Variants in UBE2O observed in about 807,000 individuals in gnomAD.
The protein encoded by UBE2O is ubiquitin conjugating enzyme E2 O, also known as (E3-independent) E2 ubiquitin-conjugating enzyme.
In UBE2O, 15 loss-of-function variants were observed where a neutral mutation model predicts 125.8. That is an observed-to-expected ratio of 0.12 (90% CI 0.08 to 0.18). UBE2O has a LOEUF of 0.18. Among genes scored for constraint, UBE2O ranks in the 10% least tolerant of loss-of-function variants. The pLI is 1.00. For missense variants in UBE2O, 1,280 were observed against 1,723.6 expected, an observed-to-expected ratio of 0.74 and a Z score of 4.56; for synonymous variants, 708 against 703.2, an observed-to-expected ratio of 1.01 and a Z score of -0.11.
At chr17:76,435,417 T>TACACACACACACAC (rs59781051) in intron 1 of UBE2O, among the ~76,000 whole-genome samples, 105 of 96,426 alleles carry the variant, frequency 1.1e-3, no homozygotes, top group South Asian at 0.01. Flanking sequence ...CACACACACA[T>TACACACACACACAC]ACACACACAC....
Position 76,395,548 on chromosome 17 carries a change from C to A in UBE2O, c.2946+177G>T, listed in dbSNP as rs985991005. 2 of 677,036 alleles carry A rather than the reference C, an allele frequency of 3.0e-6. No individual in the cohort carries two copies. The highest frequency in any genetic ancestry group is 2.5e-6 in the Non-Finnish European group (1 of 406,804). The allele number at this position is 677,036 out of a possible 1,614,324, so 41.9% of individuals were successfully genotyped here. A position where few individuals can be genotyped will look rare whatever the true frequency, so the allele number is the denominator to read the frequency against. On this transcript the variant is annotated intron_variant, in intron 15 of 17. Transcript: ENST00000319380. The surrounding 1 kb of genome is among the most constrained non-coding windows in gnomAD (Gnocchi z 5.0). ...GAAAGAACCATCTGGCCTGGACACA[C>A]GGCTGAGTCAGCCCTCACCTGACTG...
In UBE2O at chr17:76,405,236, G is replaced by A. The variant is rs372928726; in HGVS notation, c.558C>T (p.Pro186=). The A allele has an allele frequency of 4.7e-5, 76 of 1,612,854 alleles. No homozygotes were observed. The highest frequency in any genetic ancestry group is 8.9e-5 in the East Asian group (4 of 44,858). ...KLIGTNCIIY[P]VNSKDLQHIW... is the part of the protein sequence containing the mutation. The stretch of plus-strand genomic sequence containing the variant: ...TGTGCTGCAGGTCCTTGCTGTTGAC[G>A]GGATAGATGATGCAGTTGGTGCCGA... Residue 186 remains proline (P), a synonymous_variant, in exon 3 of 18, where the codon CCC becomes CCT. Coordinates refer to ENST00000319380, the MANE Select transcript of UBE2O (RefSeq NM_022066.4). This position sits in a 1 kb window ranked among gnomAD's most constrained non-coding sequence, Gnocchi z 6.1.
chr17:76,398,400 G>C lies in UBE2O; in HGVS notation c.1897-17C>G. ...TCCAATCAGCTGTGGCACAGGACAG[G>C]TTGTCATGAGCTAGGGGTCCTACAC... On this transcript the variant is annotated splice_polypyrimidine_tract_variant and intron_variant, in intron 11 of 17. Coordinates refer to ENST00000319380, the MANE Select transcript of UBE2O (RefSeq NM_022066.4). The surrounding 1 kb of genome is among the most constrained non-coding windows in gnomAD (Gnocchi z 5.4). 6.2e-7 allele frequency: 1 copy of C among 1,614,100 alleles called. No homozygotes were observed. The highest frequency in any genetic ancestry group is 8.5e-7 in the Non-Finnish European group (1 of 1,180,030).
At chr17:76,412,964 C>T (rs538196825) in intron 1 of UBE2O, among the ~76,000 whole-genome samples, 68 of 152,212 alleles carry the variant, frequency 4.5e-4, no homozygotes, top group African/African-American at 1.6e-3. Context: ...GCCGAGATTG[C>T]GCCATTGCAC....
chr17:76,393,825 G>A (rs577749393), intron 15 of UBE2O, among the ~76,000 whole-genome samples: 3 of 152,290 alleles, frequency 2.0e-5, no homozygotes, highest in African/African-American at 7.2e-5. Context: ...GGCAATGGGC[G>A]AGGTCAGTGA....
rs2072334693 is a variant in UBE2O, at chr17:76,402,009, C to T, written c.750+55G>A. ...TCCAGGTCTTTGCTACGAAGTCCTC[C>T]TTCCAGAGGACTGAGCAATCAGAGA... is the stretch of plus-strand genomic sequence containing the variant. On this transcript the variant is annotated intron_variant, in intron 5 of 17. Coordinates refer to ENST00000319380, the MANE Select transcript of UBE2O (RefSeq NM_022066.4). This position sits in a 1 kb window ranked among gnomAD's most constrained non-coding sequence, Gnocchi z 5.4. The T allele has an allele frequency of 6.4e-7, 1 of 1,566,034 alleles. No individual in the cohort carries two copies. Among genetic ancestry groups the T allele is most frequent in the Non-Finnish European group, 8.7e-7 (1 of 1,145,776 alleles).
chr17:76,394,907 G>A (rs530023877), intron 15 of UBE2O, among the ~76,000 whole-genome samples: 10 of 150,346 alleles, frequency 6.7e-5, no homozygotes, highest in African/African-American at 2.2e-4. Context: ...ATGAAGTCTC[G>A]CTCTGTTGCC....
Position 76,412,604 on chromosome 17 carries a change from G to C in UBE2O, c.418-7032C>G, listed in dbSNP as rs1033934524. Among the ~76,000 whole-genome samples, 7 of 152,280 alleles carry C rather than the reference G, an allele frequency of 4.6e-5. No homozygotes were observed. In the East Asian group the frequency reaches 1.4e-3, roughly 29 times the overall value. On this transcript the variant is annotated intron_variant, in intron 1 of 17. Coordinates refer to ENST00000319380, the MANE Select transcript of UBE2O (RefSeq NM_022066.4). ...CTCTTTGGTTGTCCCTGAGCTTGAAGGGTCTAGCTCCACGCTGCCATGTGC... is the reference window on the plus strand; with the variant it reads ...CTCTTTGGTTGTCCCTGAGCTTGAACGGTCTAGCTCCACGCTGCCATGTGC...
chr17:76,432,451 G>C (rs904863764), intron 1 of UBE2O, among the ~76,000 whole-genome samples: 3 of 152,172 alleles, frequency 2.0e-5, no homozygotes, highest in Admixed American at 2.0e-4. Flanking sequence ...CTTGCCCACT[G>C]TCCAAGAAAA....
chr17:76,411,823 C>T (rs926651129), intron 1 of UBE2O, among the ~76,000 whole-genome samples: 1 of 152,104 alleles, frequency 6.6e-6, no homozygotes, highest in Non-Finnish European at 1.5e-5. Context: ...GTAGCTGGGA[C>T]TACAGGCACA....
rs200186813 is a variant in UBE2O, at chr17:76,402,087, C to T, written c.727G>A (p.Val243Ile). The change falls in exon 5 of 18, where the codon GTC (valine) becomes ATC (isoleucine). Residue 243 changes from valine (V) to isoleucine (I), a missense_variant. This residue lies in a region of UBE2O where 206 missense variants were observed against 315.7 expected (regional missense o/e 0.65). Coordinates refer to ENST00000319380, the MANE Select transcript of UBE2O (RefSeq NM_022066.4). This position sits in a 1 kb window ranked among gnomAD's most constrained non-coding sequence, Gnocchi z 5.4. ...NTEDGAKLYDVCPHVSDSGLF... is the reference protein window; with the variant it reads ...NTEDGAKLYDICPHVSDSGLF... ...ACCGAGTCGCTGACGTGCGGGCAGACGTCGTAGAGCTTGGCGCCATCTTCC... is the reference window on the plus strand; with the variant it reads ...ACCGAGTCGCTGACGTGCGGGCAGATGTCGTAGAGCTTGGCGCCATCTTCC... The T allele has an allele frequency of 6.9e-5, 112 of 1,613,648 alleles. No individual in the cohort carries two copies. The Admixed American group carries it at 1.8e-3, about 26-fold the overall frequency.
In UBE2O at chr17:76,414,708, T is replaced by G. The variant is rs1196219127; in HGVS notation, c.418-9136A>C. Among the ~76,000 whole-genome samples, 3 of 152,184 alleles carry G rather than the reference T, an allele frequency of 2.0e-5. No homozygotes were observed. In the East Asian group the frequency reaches 5.8e-4, roughly 29 times the overall value. On this transcript the variant is annotated intron_variant, in intron 1 of 17. Transcript: ENST00000319380. Reference sequence around the variant, plus strand: ...AGAAAGGGGACTGAGTCCAACTGCCTGCTAAGTGAGGGGGAAGGACTGCAG... The same window carrying G: ...AGAAAGGGGACTGAGTCCAACTGCCGGCTAAGTGAGGGGGAAGGACTGCAG...
At chr17:76,407,481 C>G (rs1567838681) in intron 1 of UBE2O, among the ~76,000 whole-genome samples, 1 of 152,170 alleles carries the variant, frequency 6.6e-6, no homozygotes, top group Non-Finnish European at 1.5e-5. Context: ...AAGCCAGAAG[C>G]GGCAGGACAG....
chr17:76,390,848 CAG>C lies in UBE2O; in HGVS notation c.*93_*94del. On this transcript the variant is annotated 3_prime_UTR_variant, in exon 18 of 18. Coordinates refer to ENST00000319380, the MANE Select transcript of UBE2O (RefSeq NM_022066.4). ...GAGGGCAGTGGGTTTGCAGTGGGGA[CAG>C]AGGGGCATGGGAAGAGGGGTGATTC... 2 of 1,316,548 alleles carry C rather than the reference CAG, an allele frequency of 1.5e-6. No individual in the cohort carries two copies. The highest frequency in any genetic ancestry group is 2.2e-5 in the Admixed American group (1 of 45,444). The allele number at this position is 1,316,548 out of a possible 1,614,324, so 81.6% of individuals were successfully genotyped here.
rs2072399255 is a variant in UBE2O at position 76,405,446 on chromosome 17, G to A, written c.477+67C>T. 2.6e-6 allele frequency: 4 copies of A among 1,538,538 alleles called. No individual in the cohort carries two copies. The Admixed American group carries it at 7.6e-5, about 29-fold the overall frequency. On this transcript the variant is annotated intron_variant, in intron 2 of 17. Transcript: ENST00000319380. This position sits in a 1 kb window ranked among gnomAD's most constrained non-coding sequence, Gnocchi z 6.1. The stretch of plus-strand genomic sequence containing the variant: ...TTCTCCCACATGCAGAGTGCGAGGT[G>A]GGCAGGCTCAAGTCCCTAAGGTGGC...
At chr17:76,421,585 G>T (rs561995704) in intron 1 of UBE2O, among the ~76,000 whole-genome samples, 2 of 152,148 alleles carry the variant, frequency 1.3e-5, no homozygotes, top group South Asian at 2.1e-4. Context: ...GGCTGGTCTT[G>T]AACTTCCGAC....
In UBE2O at chr17:76,402,778, C is replaced by T; in HGVS notation, c.589-79G>A. ...AGGGCACAGATTCCTCTATGCCCCA[C>T]CGAAGACAGGATGGGGGAGGATCTA... On this transcript the variant is annotated intron_variant, in intron 3 of 17. Transcript: ENST00000319380. This position sits in a 1 kb window ranked among gnomAD's most constrained non-coding sequence, Gnocchi z 5.4. 1 of 1,206,582 alleles carries T rather than the reference C, an allele frequency of 8.3e-7. No individual in the cohort carries two copies. Among genetic ancestry groups the T allele is most frequent in the Non-Finnish European group, 1.2e-6 (1 of 812,128 alleles). 74.7% of individuals were successfully genotyped at this position (1,206,582 alleles called of 1,614,324 possible). A position where few individuals can be genotyped will look rare whatever the true frequency, so the allele number is the denominator to read the frequency against.
intron 1 of UBE2O, among the ~76,000 whole-genome samples, chr17:76,435,716 C>T (rs1282514076): frequency 6.6e-6 from 1 of 152,304 alleles, no homozygotes; most frequent in African/African-American, 2.4e-5. Context: ...CCTCTCTAAG[C>T]CCTGTGTCTG....
chr17:76,417,369 T>C (rs980569631), intron 1 of UBE2O, among the ~76,000 whole-genome samples: 4 of 152,202 alleles, frequency 2.6e-5, no homozygotes, highest in Admixed American at 6.5e-5. Flanking sequence ...GAGAAGACGA[T>C]AACATTTACA....
Sources: allele counts gnomAD v4.1 joint callset (sites outside exome capture counted in the v4.1 genomes callset), GRCh38; gene constraint gnomAD v4.1.1; regional missense constraint gnomAD v4.1.1; non-coding constraint Gnocchi (gnomAD v3.1); transcripts MANE v1.5; gene names NCBI Gene and HGNC (gene_info 2026-07-23, HGNC 2026-07-21).